HIGD1C: variants seen among roughly 807,000 people sequenced by gnomAD.
HIGD1C encodes HIG1 hypoxia inducible domain family member 1C.
In HIGD1C, 11 loss-of-function variants were observed where a neutral mutation model predicts 13.1. The ratio of observed to expected loss-of-function variants is 0.84; its 90% confidence interval spans 0.53 to 1.39. The LOEUF is 1.39. Among genes scored for constraint, HIGD1C ranks in the 40% most tolerant of loss-of-function variants. The pLI is 0.00. For synonymous variants in HIGD1C, 36 were observed against 37.7 expected (o/e 0.95, Z 0.17); for missense variants, 110 against 112.0 (o/e 0.98, Z 0.08).
upstream of HIGD1C, among the ~76,000 whole-genome samples, chr12:50,952,412 G>A (rs1457091353): frequency 1.3e-5 from 2 of 152,176 alleles, no homozygotes; most frequent in East Asian, 1.9e-4. Context: ...AACCATGAAC[G>A]CTACCTGATC....
At chr12:50,969,674 C>T (rs117102029) in intron 2 of HIGD1C, among the ~76,000 whole-genome samples, 4,942 of 150,830 alleles carry the variant, frequency 0.033, 123 homozygotes, top group Non-Finnish European at 0.047. Context: ...ACCACTCCAG[C>T]CTGGGTGACA....
At chr12:50,939,564 G>A in the HIGD1C span, among the ~76,000 whole-genome samples, 45 of 152,168 alleles carry the variant, frequency 3.0e-4, no homozygotes, top group Middle Eastern at 6.8e-3. Flanking sequence ...GTGCTGCCTC[G>A]ACACTTTTAC....
At chr12:50,931,660 G>A in the HIGD1C span, 9 of 142,700 alleles carry the variant, frequency 6.3e-5, no homozygotes, top group Non-Finnish European at 1.2e-4. Context: ...GCAGTGAACC[G>A]AGATCATGCC....
chr12:50,938,915 C>T, the HIGD1C span, among the ~76,000 whole-genome samples: 1 of 152,178 alleles, frequency 6.6e-6, no homozygotes, highest in Admixed American at 6.5e-5. Flanking sequence ...CTTCCTTGCC[C>T]TTCTTTGTCC....
chr12:50,937,017 C>T, the HIGD1C span, among the ~76,000 whole-genome samples: 3 of 152,244 alleles, frequency 2.0e-5, no homozygotes, highest in African/African-American at 7.2e-5. Context: ...TGATTTCACA[C>T]CAGCAATTTC....
the HIGD1C span, among the ~76,000 whole-genome samples, chr12:50,938,155 G>A: frequency 6.6e-6 from 1 of 151,980 alleles, no homozygotes; most frequent in African/African-American, 2.4e-5. Flanking sequence ...CTGTGCCAAG[G>A]GGTGCCTGCA....
At chr12:50,947,444 C>T in the HIGD1C span, among the ~76,000 whole-genome samples, 1 of 152,132 alleles carries the variant, frequency 6.6e-6, no homozygotes, top group Non-Finnish European at 1.5e-5. Flanking sequence ...GTTCCTTCCT[C>T]CATTTTTAAA....
At chr12:50,943,912 G>A in the HIGD1C span, among the ~76,000 whole-genome samples, 8 of 152,078 alleles carry the variant, frequency 5.3e-5, no homozygotes, top group Non-Finnish European at 1.2e-4. Flanking sequence ...TTTGTTAAAT[G>A]TACAAATAAT....
chr12:50,945,034 C>T, the HIGD1C span, among the ~76,000 whole-genome samples: 21 of 152,152 alleles, frequency 1.4e-4, no homozygotes, highest in African/African-American at 4.6e-4. Context: ...CAAAATTCAA[C>T]AGCCCATCAT....
the HIGD1C span, among the ~76,000 whole-genome samples, chr12:50,947,958 T>C: frequency 6.6e-6 from 1 of 152,074 alleles, no homozygotes; most frequent in Non-Finnish European, 1.5e-5. Context: ...CAAATAAATA[T>C]GAAAGACAAG....
chr12:50,957,972 G>GTGTT (rs1361425621), intron 1 of HIGD1C, among the ~76,000 whole-genome samples: 2 of 141,918 alleles, frequency 1.4e-5, no homozygotes, highest in Non-Finnish European at 3.1e-5. Context: ...GTGTGTGTGT[G>GTGTT]TGTGTGTGTG....
chr12:50,937,499 C>A, the HIGD1C span, among the ~76,000 whole-genome samples: 5 of 152,210 alleles, frequency 3.3e-5, no homozygotes, highest in Non-Finnish European at 5.9e-5. Context: ...AGGGCCGCAG[C>A]TTTTCTTTCC....
chr12:50,934,071 T>C, the HIGD1C span, among the ~76,000 whole-genome samples: 1 of 152,232 alleles, frequency 6.6e-6, no homozygotes. Flanking sequence ...CCTTGCTAAA[T>C]GCTCCTTGGT....
chr12:50,963,275 TAGG>T (rs1939408870), intron 2 of HIGD1C, among the ~76,000 whole-genome samples: 1 of 139,594 alleles, frequency 7.2e-6, no homozygotes, highest in Non-Finnish European at 1.5e-5. Context: ...GAGGCTGAAG[TAGG>T]AGAATTGCTC....
chr12:50,951,007 T>C (rs77151263), upstream of HIGD1C, among the ~76,000 whole-genome samples: 1,817 of 151,966 alleles, frequency 0.012, 43 homozygotes, highest in African/African-American at 0.042. Context: ...TAAGGTGATA[T>C]ATTTAGAAAA....
At chr12:50,959,627 AT>A (rs893841879) in intron 1 of HIGD1C, among the ~76,000 whole-genome samples, 1 of 151,508 alleles carries the variant, frequency 6.6e-6, no homozygotes, top group Non-Finnish European at 1.5e-5. Flanking sequence ...ATCTGGGTTT[AT>A]TTTTGTCGTT....
the HIGD1C span, among the ~76,000 whole-genome samples, chr12:50,933,271 A>G: frequency 6.6e-6 from 1 of 152,222 alleles, no homozygotes; most frequent in African/African-American, 2.4e-5. Flanking sequence ...TTGAATCCAG[A>G]GAACACATAT....
chr12:50,968,876 G>A (rs1020122396), intron 2 of HIGD1C, among the ~76,000 whole-genome samples: 2 of 150,866 alleles, frequency 1.3e-5, no homozygotes, highest in East Asian at 2.0e-4. Flanking sequence ...AATGGGTCTC[G>A]CTATTTTGAC....
chr12:50,972,059 A>G (rs550759768), downstream of HIGD1C, among the ~76,000 whole-genome samples: 1 of 152,362 alleles, frequency 6.6e-6, no homozygotes, highest in Admixed American at 6.5e-5. Flanking sequence ...TTATTCCATT[A>G]GAGTAAATAT....
Sources: gnomAD v4.1 joint callset for allele counts (sites outside exome capture counted in the v4.1 genomes callset) on GRCh38, gnomAD v4.1.1 for gene constraint, MANE v1.5 for transcripts, NCBI Gene and HGNC (gene_info 2026-07-23, HGNC 2026-07-21) for gene names.